The following CPVL variants were observed in gnomAD, a reference collection of about 807,000 sequenced individuals.
CPVL encodes carboxypeptidase vitellogenic like.
A neutral mutation model predicts 63.7 loss-of-function variants in CPVL; 51 were observed. The observed-to-expected ratio is 0.80, with a 90% CI of 0.64 to 1.01. The LOEUF (loss-of-function observed/expected upper bound fraction) is 1.01, where lower values mean the gene tolerates loss of function less well. Ranked by LOEUF, CPVL falls within the 50% of genes least tolerant of loss-of-function variation. The probability of loss-of-function intolerance (pLI) is 0.00; values close to 1 mark genes in which losing one functional copy is unlikely to be tolerated. For missense variants in CPVL, 530 were observed against 573.1 expected (o/e 0.92, Z 0.77); for synonymous variants, 195 against 206.0 (o/e 0.95, Z 0.46).
chr7:29,094,534 G>C (rs961633494), intron 5 of CPVL, among the ~76,000 whole-genome samples: 2 of 151,954 alleles, frequency 1.3e-5, no homozygotes, highest in African/African-American at 4.8e-5. Context: ...CAGTGAACAG[G>C]ACATCTCATA....
At chr7:29,143,010 C>T (rs1248045441) in intron 1 of CPVL, among the ~76,000 whole-genome samples, 1 of 152,254 alleles carries the variant, frequency 6.6e-6, no homozygotes, top group East Asian at 1.9e-4. Context: ...CTCAGACTTC[C>T]GGTCCTTTTC....
At chr7:29,053,436 A>G (rs562896247) in intron 11 of CPVL, among the ~76,000 whole-genome samples, 30 of 152,330 alleles carry the variant, frequency 2.0e-4, no homozygotes, top group African/African-American at 7.0e-4. Context: ...ACATGCTATA[A>G]CATGTATGAA....
chr7:29,036,220 C>A (rs2128159371), intron 11 of CPVL, among the ~76,000 whole-genome samples: 1 of 152,302 alleles, frequency 6.6e-6, no homozygotes, highest in South Asian at 2.1e-4. Flanking sequence ...TGTGGGTGAA[C>A]TTCCAAGAGC....
chr7:29,172,639 TAACA>T (rs1796751844), intron 5 of CPVL, among the ~76,000 whole-genome samples: 1 of 152,234 alleles, frequency 6.6e-6, no homozygotes, highest in Non-Finnish European at 1.5e-5. Flanking sequence ...TCTTTGACAT[TAACA>T]GATTCCTTTT....
intron 7 of CPVL, 57 bp from the exon 8 acceptor site, chr7:29,072,480 T>G (rs1220504538): frequency 1.3e-6 from 2 of 1,590,634 alleles, no homozygotes; most frequent in African/African-American, 2.7e-5. Flanking sequence ...TAAAATTAAA[T>G]GTACTTAAGC....
intron 1 of CPVL, among the ~76,000 whole-genome samples, chr7:29,189,407 A>G (rs1799123766): frequency 6.6e-6 from 1 of 152,196 alleles, no homozygotes; most frequent in Admixed American, 6.5e-5. Flanking sequence ...GCAAATTTTC[A>G]TAGAAAAAGA....
intron 1 of CPVL, among the ~76,000 whole-genome samples, chr7:29,124,688 T>A (rs1427495713): frequency 6.6e-6 from 1 of 152,212 alleles, no homozygotes; most frequent in Non-Finnish European, 1.5e-5. Flanking sequence ...ATTAAAATGA[T>A]TCTACTAAGA....
chr7:29,084,755 AT>A (rs1317465875), intron 7 of CPVL, among the ~76,000 whole-genome samples: 1 of 152,218 alleles, frequency 6.6e-6, no homozygotes, highest in Non-Finnish European at 1.5e-5. Flanking sequence ...AAAAAATAGA[AT>A]TCTTTTAACT....
chr7:29,119,485 CAAAAAAA>C (rs372819031), intron 2 of CPVL, among the ~76,000 whole-genome samples: 1 of 101,384 alleles, frequency 9.9e-6, no homozygotes, highest in Non-Finnish European at 1.9e-5. Context: ...GATTCTGTCT[CAAAAAAA>C]AAAAAAAAAA....
Position 29,096,966 on chromosome 7 carries a change from C to T in CPVL, c.289-749G>A, listed in dbSNP as rs1322196880. Among the ~76,000 whole-genome samples, 3 of 117,124 alleles carry T rather than the reference C, an allele frequency of 2.6e-5. No individual in the cohort carries two copies. The Admixed American group carries it at 3.8e-4, about 15-fold the overall frequency. The allele number at this position is 117,124 out of a possible 152,430, so 76.8% of individuals were successfully genotyped here. A position where few individuals can be genotyped will look rare whatever the true frequency, so the allele number is the denominator to read the frequency against. On this transcript the variant is annotated intron_variant, in intron 3 of 12. Coordinates refer to ENST00000265394, the MANE Select transcript of CPVL (RefSeq NM_031311.5). ...CACCACTGCACTCCAGCCTGGGTGA[C>T]AGAGCGAGACTCTGTCTCAAAAAAA...
At chr7:29,082,778 G>C (rs1228880918) in intron 7 of CPVL, among the ~76,000 whole-genome samples, 1 of 152,212 alleles carries the variant, frequency 6.6e-6, no homozygotes, top group African/African-American at 2.4e-5. Context: ...CCACAAGGCA[G>C]ATGTGAAATA....
intron 5 of CPVL, among the ~76,000 whole-genome samples, chr7:29,168,602 A>G (rs1313413054): frequency 6.6e-6 from 1 of 152,182 alleles, no homozygotes; most frequent in African/African-American, 2.4e-5. Flanking sequence ...TTGGAGGTCC[A>G]GTGTTATGTG....
At chr7:29,021,931 A>T (rs1787028245) in intron 12 of CPVL, among the ~76,000 whole-genome samples, 2 of 152,158 alleles carry the variant, frequency 1.3e-5, no homozygotes, top group South Asian at 4.1e-4. Context: ...CCAGCAGTGC[A>T]GATGCGTCCC....
At chr7:29,124,201 G>A (rs1217389755) in intron 1 of CPVL, among the ~76,000 whole-genome samples, 3 of 151,972 alleles carry the variant, frequency 2.0e-5, no homozygotes, top group Non-Finnish European at 4.4e-5. Context: ...TTTATTTATT[G>A]AACATTTATT....
intron 12 of CPVL, among the ~76,000 whole-genome samples, chr7:29,029,873 A>T (rs1323458876): frequency 6.6e-6 from 1 of 152,242 alleles, no homozygotes; most frequent in East Asian, 1.9e-4. Flanking sequence ...TTTGGTCATT[A>T]ACATTAAATA....
intron 11 of CPVL, among the ~76,000 whole-genome samples, chr7:29,035,545 G>A (rs1001419869): frequency 1.3e-5 from 2 of 152,192 alleles, no homozygotes; most frequent in East Asian, 1.9e-4. Flanking sequence ...TGGACAGGAT[G>A]TGTGTGAGGG....
At chr7:29,137,115 T>C (rs116499968) in intron 1 of CPVL, among the ~76,000 whole-genome samples, 4 of 152,346 alleles carry the variant, frequency 2.6e-5, no homozygotes, top group Non-Finnish European at 2.9e-5. Context: ...GTCTCTCCTA[T>C]TGAGGTGGCA....
At chr7:29,024,314 A>C (rs1787288677) in intron 12 of CPVL, among the ~76,000 whole-genome samples, 1 of 152,222 alleles carries the variant, frequency 6.6e-6, no homozygotes, top group South Asian at 2.1e-4. Flanking sequence ...AAGTTTAATA[A>C]AGAACAAAGA....
chr7:29,092,934 G>A (rs910033019), intron 5 of CPVL, among the ~76,000 whole-genome samples: 13 of 152,244 alleles, frequency 8.5e-5, no homozygotes, highest in Non-Finnish European at 1.2e-4. Flanking sequence ...GCTTTGCCCT[G>A]GGGTCAGTGG....
Sources: allele counts gnomAD v4.1 joint callset (sites outside exome capture counted in the v4.1 genomes callset), GRCh38; gene constraint gnomAD v4.1.1; transcripts MANE v1.5; gene names NCBI Gene and HGNC (gene_info 2026-07-23, HGNC 2026-07-21).